Variants in CDK12 observed in about 807,000 individuals in gnomAD.
The protein encoded by CDK12 is cyclin-dependent kinase 12.
Under a neutral mutation model 133.8 loss-of-function variants are expected in CDK12, and 17 were observed. That is an observed-to-expected ratio of 0.13 (90% CI 0.09 to 0.19). The LOEUF is 0.19. Ranked by LOEUF, CDK12 falls within the 10% of genes least tolerant of loss-of-function variation. CDK12 has a pLI of 1.00. For missense variants in CDK12, 1,508 were observed against 1,818.7 expected (o/e 0.83, Z 3.11); for synonymous variants, 694 against 683.6 (o/e 1.02, Z -0.24).
chr17:39,537,991 C>G (rs1359438754), downstream of CDK12, among the ~76,000 whole-genome samples: 5 of 152,088 alleles, frequency 3.3e-5, no homozygotes, highest in Non-Finnish European at 7.4e-5. Flanking sequence ...CATTAAAGCA[C>G]CAATACTGAG....
chr17:39,494,965 G>T (rs1248942307), intron 5 of CDK12, among the ~76,000 whole-genome samples: 2 of 151,884 alleles, frequency 1.3e-5, no homozygotes, highest in African/African-American at 4.8e-5. Flanking sequence ...TAGAGGCGGG[G>T]TTTCACCGTG....
intron 7 of CDK12, among the ~76,000 whole-genome samples, chr17:39,511,235 AAAATG>A (rs1323963693): frequency 1.3e-5 from 2 of 151,034 alleles, no homozygotes; most frequent in Non-Finnish European, 3.0e-5. Context: ...AAAAAAAAAA[AAAATG>A]AGATCTTGCT....
At chr17:39,510,941 C>T (rs1452141222) in intron 7 of CDK12, among the ~76,000 whole-genome samples, 2 of 124,172 alleles carry the variant, frequency 1.6e-5, no homozygotes, top group South Asian at 3.2e-4. Context: ...ATAGGCCAGG[C>T]GTGGTGGCTC....
At chr17:39,463,701 T>C (rs2049101956) in intron 1 of CDK12, among the ~76,000 whole-genome samples, 1 of 152,052 alleles carries the variant, frequency 6.6e-6, no homozygotes, top group South Asian at 2.1e-4. Flanking sequence ...CTTTTAATGG[T>C]ATAACCTAGC....
chr17:39,542,850 A>G (rs554785148), upstream of CDK12, among the ~76,000 whole-genome samples: 3 of 152,326 alleles, frequency 2.0e-5, no homozygotes, highest in Admixed American at 1.3e-4. Flanking sequence ...ATACAAGTGT[A>G]ATTTTTATTT....
intron 10 of CDK12, among the ~76,000 whole-genome samples, chr17:39,518,949 C>A (rs1280188422): frequency 6.6e-6 from 1 of 152,046 alleles, no homozygotes; most frequent in Non-Finnish European, 1.5e-5. Context: ...TTGCCCAAGC[C>A]AGAGTGCAGT....
At chr17:39,508,122 A>C (rs2053249546) in intron 6 of CDK12, among the ~76,000 whole-genome samples, 2 of 152,182 alleles carry the variant, frequency 1.3e-5, no homozygotes, top group African/African-American at 4.8e-5. Context: ...CTGAACATCC[A>C]AAATCTGAAA....
chr17:39,531,288 G>C lies in CDK12; in HGVS notation c.4445G>C (p.Gly1482Ala). 2.0e-6 allele frequency: 3 copies of C among 1,494,466 alleles called. No individual in the cohort carries two copies. Among genetic ancestry groups the C allele is most frequent in the Non-Finnish European group, 2.7e-6 (3 of 1,124,980 alleles). 92.6% of individuals were successfully genotyped at this position (1,494,466 alleles called of 1,614,324 possible). A position where few individuals can be genotyped will look rare whatever the true frequency, so the allele number is the denominator to read the frequency against. ...GGGCCTACAAGAGTCCCACCAAGAG[G>C]GGGAAGAGGGAGAGGAGTTCCTTAC... ...YRGPTRVPPR[G>A]GRGRGVPY The change falls in exon 14 of 14, where the codon GGG (glycine) becomes GCG (alanine). Residue 1482 changes from glycine (G) to alanine (A), a missense_variant. Transcript: ENST00000447079.
At chr17:39,469,916 C>T (rs766973482) in intron 1 of CDK12, among the ~76,000 whole-genome samples, 4 of 151,940 alleles carry the variant, frequency 2.6e-5, no homozygotes, top group Non-Finnish European at 4.4e-5. Flanking sequence ...GGATTACAGG[C>T]GTGAGCCACC....
chr17:39,525,818 T>G, intron 12 of CDK12, 46 bp from the exon 13 acceptor site: 2 of 1,493,914 alleles, frequency 1.3e-6, no homozygotes, highest in South Asian at 1.2e-5. Flanking sequence ...CAAAGGGCCC[T>G]TGGCCTATCT....
At chr17:39,523,443 T>C (rs2054303124) in intron 11 of CDK12, among the ~76,000 whole-genome samples, 1 of 152,012 alleles carries the variant, frequency 6.6e-6, no homozygotes, top group South Asian at 2.1e-4. Context: ...ACCACTGCAC[T>C]CTAGCCTGGG....
chr17:39,512,398 CAG>C (rs750769063), intron 8 of CDK12, among the ~76,000 whole-genome samples: 3 of 152,224 alleles, frequency 2.0e-5, no homozygotes, highest in South Asian at 2.1e-4. Flanking sequence ...AGTGGTACAT[CAG>C]AGTTGGAAGG....
rs71147345 is a variant in CDK12, at chr17:39,482,599, A to ATTT, written c.1932-7939_1932-7937dup. Among the ~76,000 whole-genome samples the ATTT allele has an allele frequency of 2.0e-4, 15 of 74,418 alleles. 2 individuals carry two copies. The highest frequency in any genetic ancestry group is 5.0e-4 in the East Asian group (1 of 2,018). The allele number at this position is 74,418 out of a possible 152,430, so 48.8% of individuals were successfully genotyped here. ...GCTGCCAAAGTGAACAATCAACTAC[A>ATTT]TTTTTTTTTTTTTTTTTTTTTGAGG... is the stretch of plus-strand genomic sequence containing the variant. On this transcript the variant is annotated intron_variant, in intron 2 of 13. Coordinates refer to ENST00000447079, the MANE Select transcript of CDK12 (RefSeq NM_016507.4).
chr17:39,524,721 G>A lies in CDK12; in HGVS notation c.3143G>A (p.Arg1048Gln), dbSNP rs1357617308. 2.5e-6 allele frequency: 4 copies of A among 1,614,138 alleles called. No homozygotes were observed. Among genetic ancestry groups the A allele is most frequent in the South Asian group, 1.1e-5 (1 of 91,076 alleles). ...CATGAGTTGTGGAGTAAGAAACGGC[G>A]ACGTCAGCGACAAAGTGGTGTTGTA... ...DCHELWSKKR[R>Q]RQRQSGVVVE... is the part of the protein sequence containing the mutation. Residue 1048 changes from arginine (R) to glutamine (Q), a missense_variant, in exon 12 of 14, where the codon CGA becomes CAA. Arg to Gln is a conservative substitution (Grantham distance 43). Coordinates refer to ENST00000447079, the MANE Select transcript of CDK12 (RefSeq NM_016507.4).
chr17:39,500,444 C>A (rs1236148475), intron 5 of CDK12, among the ~76,000 whole-genome samples: 1 of 151,932 alleles, frequency 6.6e-6, no homozygotes, highest in East Asian at 1.9e-4. Flanking sequence ...ACCAGCCTGA[C>A]CAACATGGTG....
rs1193409213 is a variant in CDK12 at position 39,531,134 on chromosome 17, G to A, written c.4291G>A (p.Val1431Ile). Residue 1431 changes from valine to isoleucine, a missense_variant, in exon 14 of 14, where the codon GTA (valine) becomes ATA (isoleucine). By Grantham distance (29) the Val-to-Ile change is conservative. Around this residue, in one of 9 missense-constraint regions of CDK12, gnomAD observed 114 missense variants for 101.2 expected, o/e 1.13. Coordinates refer to ENST00000447079, the MANE Select transcript of CDK12 (RefSeq NM_016507.4). ...GGCTGAGGGAAGCAGCAATTCTGTG[G>A]TACATGCAGAGACCAAATTGCAAAA... ...LKAEGSSNSV[V>I]HAETKLQNYG... The A allele has an allele frequency of 1.3e-6, 2 of 1,547,496 alleles. No homozygotes were observed. Among genetic ancestry groups the A allele is most frequent in the African/African-American group, 2.8e-5 (2 of 72,694 alleles).
chr17:39,564,272 A>T (rs906520123), intron 3 of CDK12, among the ~76,000 whole-genome samples: 1 of 152,112 alleles, frequency 6.6e-6, no homozygotes, highest in Non-Finnish European at 1.5e-5. Context: ...TCAGAAGTTG[A>T]GGGTCAGAGA....
intron 13 of CDK12, among the ~76,000 whole-genome samples, chr17:39,527,288 T>C (rs1391759002): frequency 6.6e-6 from 1 of 152,214 alleles, no homozygotes; most frequent in Non-Finnish European, 1.5e-5. Context: ...CAGAGGAAAG[T>C]GTAGAGATGC....
chr17:39,518,062 C>G (rs914337214), intron 10 of CDK12, among the ~76,000 whole-genome samples: 1 of 151,630 alleles, frequency 6.6e-6, no homozygotes, highest in African/African-American at 2.4e-5. Flanking sequence ...ACTGCAACCT[C>G]TGCCCCCCAA....
Sources: allele counts gnomAD v4.1 joint callset (sites outside exome capture counted in the v4.1 genomes callset), GRCh38; gene constraint gnomAD v4.1.1; regional missense constraint gnomAD v4.1.1; transcripts MANE v1.5; gene names NCBI Gene and HGNC (gene_info 2026-07-23, HGNC 2026-07-21).